The following ZNF185 variants were observed in gnomAD, a reference collection of about 807,000 sequenced individuals.
ZNF185 encodes the protein zinc finger protein 185 with LIM domain, also known as zinc finger protein 185.
A neutral mutation model predicts 58.6 loss-of-function variants in ZNF185; 56 were observed. The ratio of observed to expected loss-of-function variants is 0.95; its 90% CI spans 0.77 to 1.19. ZNF185 has a LOEUF of 1.19. Among genes scored for constraint, ZNF185 ranks in the 50% most tolerant of loss-of-function variants. The probability of loss-of-function intolerance (pLI) is 0.00; values close to 1 mark genes in which losing one functional copy is unlikely to be tolerated. For synonymous variants in ZNF185, 230 were observed against 215.9 expected (o/e 1.07, Z -0.57); for missense variants, 627 against 573.5 (o/e 1.09, Z -0.95).
At chrX:152,939,611 G>A (rs190089695) in intron 15 of ZNF185, among the ~76,000 whole-genome samples, 32 of 110,973 alleles carry the variant, frequency 2.9e-4, no homozygotes, top group African/African-American at 7.5e-4. Context: ...TTCCCCAAAC[G>A]TGGAAAAGGA....
intron 20 of ZNF185, among the ~76,000 whole-genome samples, chrX:152,968,851 C>G (rs185247081): frequency 2.0e-4 from 23 of 112,275 alleles, no homozygotes; most frequent in Middle Eastern, 9.2e-3. Flanking sequence ...GATGCTCAAC[C>G]CAGGAGTCAG....
exon 1 of ZNF185, chrX:152,914,497 T>C (rs1556863817): frequency 8.4e-7 from 1 of 1,185,097 alleles, no homozygotes; most frequent in Non-Finnish European, 1.1e-6. Context: ...ACCATGAGTA[T>C]CTCAGCTCTT....
At chrX:152,899,122 G>A in the ZNF185 span, among the ~76,000 whole-genome samples, 1 of 112,222 alleles carries the variant, frequency 8.9e-6, no homozygotes, top group African/African-American at 3.2e-5. Context: ...ACGAAGCCTT[G>A]GCATCATGGG....
chrX:152,949,045 A>G (rs1180280634), intron 16 of ZNF185, among the ~76,000 whole-genome samples: 3 of 112,039 alleles, frequency 2.7e-5, no homozygotes, highest in Non-Finnish European at 5.6e-5. Context: ...GAGATCCCAA[A>G]TTGGATGACA....
At chrX:152,949,918 A>C (rs1485683909) in intron 16 of ZNF185, among the ~76,000 whole-genome samples, 1 of 111,910 alleles carries the variant, frequency 8.9e-6, no homozygotes, top group Non-Finnish European at 1.9e-5. Flanking sequence ...CCAGCACGAG[A>C]GGACCAGAGG....
At chrX:152,941,760 C>G in intron 15 of ZNF185, 1 of 1,164,344 alleles carries the variant, frequency 8.6e-7, no homozygotes, top group Non-Finnish European at 1.1e-6. Context: ...TGAGGCCATG[C>G]CCGTGCCGGC....
At chrX:152,906,701 C>T in the ZNF185 span, among the ~76,000 whole-genome samples, 1 of 111,778 alleles carries the variant, frequency 8.9e-6, no homozygotes, top group Non-Finnish European at 1.9e-5. Context: ...CGTGGGGTGG[C>T]AGAGCTGGGT....
the ZNF185 span, among the ~76,000 whole-genome samples, chrX:152,906,460 T>A: frequency 8.8e-6 from 1 of 113,246 alleles, no homozygotes; most frequent in Non-Finnish European, 1.9e-5. Flanking sequence ...TCCTAAAACA[T>A]AGCAATCAGC....
exon 23 of ZNF185, chrX:152,972,237 C>T (rs1297436971): frequency 4.5e-5 from 5 of 111,979 alleles, no homozygotes; most frequent in East Asian, 2.8e-4. Context: ...TATTGCATTG[C>T]GCAGAACGCT....
upstream of ZNF185, among the ~76,000 whole-genome samples, chrX:152,914,106 A>T (rs782506335): frequency 6.5e-5 from 7 of 108,316 alleles, no homozygotes; most frequent in Non-Finnish European, 1.3e-4. Flanking sequence ...TCTTCCCCAC[A>T]CCCCCCAGCC....
intron 16 of ZNF185, among the ~76,000 whole-genome samples, chrX:152,950,717 A>C (rs1156812131): frequency 8.9e-6 from 1 of 112,037 alleles, no homozygotes; most frequent in East Asian, 2.8e-4. Context: ...TCCCAAAGCC[A>C]GTTTTAGGTA....
At chrX:152,943,307 T>C (rs1556891829) in intron 15 of ZNF185, among the ~76,000 whole-genome samples, 1 of 112,083 alleles carries the variant, frequency 8.9e-6, no homozygotes, top group East Asian at 2.8e-4. Context: ...ACAATTTCCG[T>C]TTTTTAAAAG....
the ZNF185 span, among the ~76,000 whole-genome samples, chrX:152,902,785 A>G: frequency 8.9e-6 from 1 of 111,946 alleles, no homozygotes; most frequent in East Asian, 2.8e-4. Context: ...TGTTAGAGGT[A>G]AGGGTGGGGT....
At chrX:152,928,631 G>T in exon 12 of ZNF185, 1 of 1,211,746 alleles carries the variant, frequency 8.3e-7, no homozygotes. Context: ...GCAGGACTCC[G>T]CCTGGTGGCC....
chrX:152,962,565 C>T (rs782474550), intron 17 of ZNF185, among the ~76,000 whole-genome samples: 2 of 112,061 alleles, frequency 1.8e-5, no homozygotes, highest in South Asian at 7.4e-4. Flanking sequence ...TTTTATCCCC[C>T]GTGTATCTTT....
At chrX:152,932,726 T>G (rs2045840109) in intron 13 of ZNF185, 147 bp from the exon 15 acceptor site, 3 of 442,232 alleles carry the variant, frequency 6.8e-6, no homozygotes, top group Non-Finnish European at 1.2e-5. Flanking sequence ...TAGAGTCAAC[T>G]TGGGCTTGGC....
intron 16 of ZNF185, among the ~76,000 whole-genome samples, chrX:152,954,532 T>C (rs2048622209): frequency 8.9e-6 from 1 of 112,433 alleles, no homozygotes; most frequent in African/African-American, 3.2e-5. Context: ...CTCACCTATA[T>C]GTAGTTCCGT....
intron 6 of ZNF185, 101 bp downstream of exon 7, chrX:152,918,255 G>T: frequency 1.0e-6 from 1 of 991,698 alleles, no homozygotes; most frequent in South Asian, 2.0e-5. Flanking sequence ...ACCGAGCACA[G>T]CCCGGGAAGT....
chrX:152,965,541 C>T lies in ZNF185; in HGVS notation c.1799+14C>T, dbSNP rs782030404. On this transcript the variant is annotated intron_variant, in intron 19 of 22. Transcript: ENST00000449285. ...ACGCTATAGCAAGTAAGAGCGGGTCCCAAACCCTTCCATGTCGGCCTTCTC... is the reference window on the plus strand; with the variant it reads ...ACGCTATAGCAAGTAAGAGCGGGTCTCAAACCCTTCCATGTCGGCCTTCTC... The T allele has an allele frequency of 2.6e-6, 3 of 1,151,560 alleles. No individual in the cohort carries two copies. In the African/African-American group the frequency reaches 5.4e-5, roughly 21 times the overall value. 94.9% of individuals were successfully genotyped at this position (1,151,560 alleles called of 1,213,427 possible).
Sources: gnomAD v4.1 joint callset for allele counts (sites outside exome capture counted in the v4.1 genomes callset) on GRCh38, gnomAD v4.1.1 for gene constraint, MANE v1.5 for transcripts, NCBI Gene and HGNC (gene_info 2026-07-23, HGNC 2026-07-21) for gene names.